LIN52: variants seen among roughly 807,000 people sequenced by gnomAD.
LIN52 encodes the protein lin-52 DREAM MuvB core complex component, also known as protein lin-52 homolog.
In LIN52, 4 loss-of-function variants were observed where a neutral mutation model predicts 18.5. The observed-to-expected ratio is 0.22, with a 90% confidence interval of 0.11 to 0.49. LIN52 has a LOEUF of 0.49. Among genes scored for constraint, LIN52 ranks in the 20% least tolerant of loss-of-function variants. The probability of loss-of-function intolerance (pLI) is 0.97; values close to 1 mark genes in which losing one functional copy is unlikely to be tolerated. For missense variants in LIN52, 102 were observed against 139.5 expected, an observed-to-expected ratio of 0.73 and a Z score of 1.35; for synonymous variants, 34 against 45.5, an observed-to-expected ratio of 0.75 and a Z score of 1.02.
At chr14:74,175,248 C>G (rs1315955717) in intron 5 of LIN52, among the ~76,000 whole-genome samples, 1 of 151,460 alleles carries the variant, frequency 6.6e-6, no homozygotes, top group Non-Finnish European at 1.5e-5. Context: ...CTTACTGTAG[C>G]TTTTTTACTT....
intron 4 of LIN52, among the ~76,000 whole-genome samples, chr14:74,099,053 A>C (rs926636644): frequency 6.6e-6 from 1 of 152,186 alleles, no homozygotes; most frequent in African/African-American, 2.4e-5. Flanking sequence ...TTTGAAACTC[A>C]ATCACAAAGT....
chr14:74,086,892 A>G (rs1157755243), intron 1 of LIN52, among the ~76,000 whole-genome samples: 1 of 152,166 alleles, frequency 6.6e-6, no homozygotes, highest in Non-Finnish European at 1.5e-5. Context: ...ATACCACTGA[A>G]ATGTATACTT....
intron 5 of LIN52, among the ~76,000 whole-genome samples, chr14:74,110,822 C>T (rs926796463): frequency 2.0e-5 from 3 of 150,810 alleles, no homozygotes; most frequent in South Asian, 2.1e-4. Context: ...AAAAGTTAGC[C>T]GGGCGTGGTG....
At chr14:74,181,749 C>G (rs1474676919) in intron 5 of LIN52, among the ~76,000 whole-genome samples, 1 of 152,024 alleles carries the variant, frequency 6.6e-6, no homozygotes, top group East Asian at 1.9e-4. Flanking sequence ...TAAGATTATT[C>G]AGAAACATCA....
At chr14:74,092,189 C>G (rs62005136) in intron 2 of LIN52, among the ~76,000 whole-genome samples, 33,983 of 151,180 alleles carry the variant, frequency 0.22, 4,103 homozygotes, top group South Asian at 0.46. Flanking sequence ...CCAGGCTGGT[C>G]TCGAACTCCT....
intron 5 of LIN52, among the ~76,000 whole-genome samples, chr14:74,120,204 C>T (rs1268678993): frequency 6.6e-6 from 1 of 152,174 alleles, no homozygotes; most frequent in African/African-American, 2.4e-5. Flanking sequence ...CACCCTTTGT[C>T]AGTCACATAA....
At chr14:74,144,636 AAGACAGGACCTTGACATTC>A (rs1446089194) in intron 5 of LIN52, among the ~76,000 whole-genome samples, 2 of 151,678 alleles carry the variant, frequency 1.3e-5, no homozygotes, top group Non-Finnish European at 2.9e-5. Context: ...TGTCGCTTTC[AAGACAGGACCTTGACATTC>A]ATGAGGTAAC....
intron 5 of LIN52, among the ~76,000 whole-genome samples, chr14:74,151,712 T>C (rs1458785103): frequency 2.0e-5 from 3 of 152,212 alleles, no homozygotes; most frequent in Non-Finnish European, 2.9e-5. Context: ...TCAAGAGTTA[T>C]CAGCCAGTTA....
At chr14:74,168,431 G>C (rs1483272702) in intron 5 of LIN52, among the ~76,000 whole-genome samples, 1 of 152,220 alleles carries the variant, frequency 6.6e-6, no homozygotes, top group Non-Finnish European at 1.5e-5. Flanking sequence ...CACTTTGGGA[G>C]GCTGAGGCAG....
At chr14:74,119,830 A>T (rs2060988838) in intron 5 of LIN52, among the ~76,000 whole-genome samples, 2 of 145,748 alleles carry the variant, frequency 1.4e-5, no homozygotes, top group Non-Finnish European at 3.0e-5. Context: ...GGATTACTGG[A>T]TTATTCTTTT....
Position 74,166,132 on chromosome 14 carries a change from C to T in LIN52, c.284-32790C>T, listed in dbSNP as rs7493695. Among the ~76,000 whole-genome samples the T allele has an allele frequency of 2.0e-5, 3 of 152,108 alleles. No homozygotes were observed. In the East Asian group the frequency reaches 5.8e-4, roughly 29 times the overall value. The stretch of plus-strand genomic sequence containing the variant: ...TCTCGAACTCCTGACCTCAGGTGAT[C>T]TGCCCACCTCAGCCTCCCAAAGTGC... On this transcript the variant is annotated intron_variant, in intron 5 of 5. Transcript: ENST00000555028.
intron 5 of LIN52, among the ~76,000 whole-genome samples, chr14:74,122,927 C>A (rs1184821677): frequency 2.6e-5 from 4 of 151,972 alleles, no homozygotes; most frequent in East Asian, 1.9e-4. Flanking sequence ...CTAGTGGACC[C>A]CCAAAAGAAG....
intron 5 of LIN52, among the ~76,000 whole-genome samples, chr14:74,108,368 C>T (rs7156583): frequency 0.17 from 26,162 of 151,928 alleles, 2,748 homozygotes; most frequent in East Asian, 0.58. Flanking sequence ...TTTGGGTAAA[C>T]ATGTTTTCAT....
rs191596460 is a variant in LIN52 at position 74,111,594 on chromosome 14, G to A, written c.283+10356G>A. 4.3e-3 allele frequency among the ~76,000 whole-genome samples: 647 copies of A among 149,828 alleles called. 6 individuals carry two copies. The highest frequency in any genetic ancestry group is 0.028 in the Middle Eastern group (8 of 290). On this transcript the variant is annotated intron_variant, in intron 5 of 5. Transcript: ENST00000555028. ...TGGGATTATAGGTGTGAGCCACCATGCCCTGCCCCTGGTATTTATTTATTT... is the reference window on the plus strand; with the variant it reads ...TGGGATTATAGGTGTGAGCCACCATACCCTGCCCCTGGTATTTATTTATTT...
At chr14:74,132,205 CTG>C (rs2139940447) in intron 5 of LIN52, among the ~76,000 whole-genome samples, 1 of 152,316 alleles carries the variant, frequency 6.6e-6, no homozygotes, top group East Asian at 1.9e-4. Flanking sequence ...ATTTGTAAAA[CTG>C]GGGCTGGAGT....
chr14:74,165,363 C>CT (rs987703317), intron 5 of LIN52, among the ~76,000 whole-genome samples: 4 of 150,626 alleles, frequency 2.7e-5, no homozygotes, highest in African/African-American at 4.9e-5. Context: ...AATACAGGCA[C>CT]TTTTTTTTTC....
At chr14:74,092,916 CA>C (rs1157472281) in intron 2 of LIN52, among the ~76,000 whole-genome samples, 1 of 150,652 alleles carries the variant, frequency 6.6e-6, no homozygotes, top group East Asian at 2.0e-4. Context: ...GACTCTTTCT[CA>C]AAAAAATCCC....
At chr14:74,157,444 T>TAC in intron 5 of LIN52, among the ~76,000 whole-genome samples, 1 of 58,484 alleles carries the variant, frequency 1.7e-5, no homozygotes, top group Non-Finnish European at 4.4e-5. Flanking sequence ...ATACTCCTGC[T>TAC]ATATATATAT....
chr14:74,147,008 C>T (rs1406995961), intron 5 of LIN52, among the ~76,000 whole-genome samples: 1 of 152,098 alleles, frequency 6.6e-6, no homozygotes, highest in East Asian at 1.9e-4. Flanking sequence ...CCTGTAAACC[C>T]AGCAATTTGG....
Sources: gnomAD v4.1 joint callset for allele counts (sites outside exome capture counted in the v4.1 genomes callset) on GRCh38, gnomAD v4.1.1 for gene constraint, MANE v1.5 for transcripts, NCBI Gene and HGNC (gene_info 2026-07-23, HGNC 2026-07-21) for gene names.